The following TTC29 variants were observed in gnomAD, a reference collection of about 807,000 sequenced individuals.
TTC29 encodes the protein tetratricopeptide repeat protein 29.
TTC29 carries 49 observed loss-of-function variants against 58.1 expected under a neutral mutation model. The observed-to-expected ratio is 0.84, with a 90% CI of 0.67 to 1.07. The LOEUF is 1.07. TTC29 is among the 50% of genes least tolerant of loss of function. The pLI is 0.00. For synonymous variants in TTC29, 209 were observed against 196.8 expected (o/e 1.06, Z -0.52); for missense variants, 582 against 555.6 (o/e 1.05, Z -0.48).
rs368376958 is a variant in TTC29, at chr4:146,820,252, G to C, written c.978-4C>G. 25 of 1,609,678 alleles carry C rather than the reference G, an allele frequency of 1.6e-5. No homozygotes were observed. Among genetic ancestry groups the C allele is most frequent in the Non-Finnish European group, 2.1e-5 (25 of 1,178,916 alleles). ...TGCTTCTGTCATCTCTCCTTGGCTA[G>C]AATGAATGAAATAGGAAGTCAATGG... On this transcript the variant is annotated splice_polypyrimidine_tract_variant and splice_region_variant and intron_variant, in intron 9 of 12. Transcript: ENST00000325106.
chr4:146,729,000 C>T lies in TTC29; in HGVS notation c.1331-21449G>A, dbSNP rs545097285. 1.3e-4 allele frequency among the ~76,000 whole-genome samples: 20 copies of T among 151,174 alleles called. No individual in the cohort carries two copies. In the East Asian group the frequency reaches 3.5e-3, roughly 27 times the overall value. On this transcript the variant is annotated intron_variant, in intron 11 of 12. Coordinates refer to ENST00000325106, the MANE Select transcript of TTC29 (RefSeq NM_031956.4). Reference sequence around the variant, plus strand: ...GCTGTATCCCCAGTGCCTCCCTCAGCCAATGCCAGGCACATAGGGATATAT... The same window carrying T: ...GCTGTATCCCCAGTGCCTCCCTCAGTCAATGCCAGGCACATAGGGATATAT...
At chr4:146,932,473 C>T (rs1288990645) in intron 4 of TTC29, among the ~76,000 whole-genome samples, 1 of 152,146 alleles carries the variant, frequency 6.6e-6, no homozygotes, top group African/African-American at 2.4e-5. Context: ...AGGAAGAGCA[C>T]ACTTGAAAGG....
chr4:146,753,945 C>T (rs974737686), intron 11 of TTC29, among the ~76,000 whole-genome samples: 1 of 151,788 alleles, frequency 6.6e-6, no homozygotes, highest in African/African-American at 2.4e-5. Context: ...AGGAGATATA[C>T]CTAATGCTAA....
At chr4:146,764,226 G>C (rs1747124280) in intron 11 of TTC29, 1 of 152,074 alleles carries the variant, frequency 6.6e-6, no homozygotes, top group Non-Finnish European at 1.5e-5. Context: ...GGAGAAAATA[G>C]ATTCCAATTC....
chr4:146,799,227 G>C (rs1750039678), intron 11 of TTC29, among the ~76,000 whole-genome samples: 1 of 152,158 alleles, frequency 6.6e-6, no homozygotes. Flanking sequence ...AAGACAGAGA[G>C]TTCCTCTGTG....
intron 4 of TTC29, among the ~76,000 whole-genome samples, chr4:146,925,796 C>T (rs1199998447): frequency 1.3e-5 from 2 of 152,076 alleles, no homozygotes; most frequent in African/African-American, 2.4e-5. Flanking sequence ...AGAACTGAAC[C>T]CCAAGGGAGG....
chr4:146,876,998 G>A (rs67716270), intron 6 of TTC29, among the ~76,000 whole-genome samples: 8,061 of 150,584 alleles, frequency 0.054, 343 homozygotes, highest in East Asian at 0.13. Context: ...TTGCTGAGCC[G>A]TGCAGGAGGA....
intron 5 of TTC29, among the ~76,000 whole-genome samples, chr4:146,905,460 C>T (rs1326838257): frequency 6.7e-6 from 1 of 150,092 alleles, no homozygotes; most frequent in African/African-American, 2.4e-5. Context: ...AGATAAGCTA[C>T]CAAGATTACA....
intron 6 of TTC29, among the ~76,000 whole-genome samples, chr4:146,882,449 A>T (rs550769295): frequency 6.6e-5 from 10 of 152,222 alleles, no homozygotes; most frequent in Non-Finnish European, 1.3e-4. Flanking sequence ...GTAGTCGACT[A>T]TTTTCCTCAT....
chr4:146,862,174 T>C (rs1345459733), intron 8 of TTC29, among the ~76,000 whole-genome samples: 1 of 151,848 alleles, frequency 6.6e-6, no homozygotes, highest in Non-Finnish European at 1.5e-5. Flanking sequence ...ATATGTTGAA[T>C]ATTTACTTTG....
At chr4:146,724,451 AG>A (rs1257421266) in intron 11 of TTC29, among the ~76,000 whole-genome samples, 1 of 152,230 alleles carries the variant, frequency 6.6e-6, no homozygotes, top group African/African-American at 2.4e-5. Flanking sequence ...TCCTTTTACA[AG>A]GAAAAGTCTA....
At chr4:146,751,282 C>A (rs565833340) in intron 11 of TTC29, among the ~76,000 whole-genome samples, 14 of 152,072 alleles carry the variant, frequency 9.2e-5, no homozygotes, top group Non-Finnish European at 1.6e-4. Context: ...TTTCAATACC[C>A]CACTTTAAAT....
chr4:146,905,706 T>C (rs550476340), intron 5 of TTC29, among the ~76,000 whole-genome samples: 185 of 152,316 alleles, frequency 1.2e-3, no homozygotes, highest in African/African-American at 4.4e-3. Context: ...GGGTTTCTTA[T>C]GCTCCTTAAA....
At chr4:146,735,549 C>T (rs1290891922) in intron 11 of TTC29, among the ~76,000 whole-genome samples, 1 of 152,148 alleles carries the variant, frequency 6.6e-6, no homozygotes, top group East Asian at 1.9e-4. Flanking sequence ...GGATAAAAGC[C>T]AGTGTAAGTC....
At chr4:146,810,177 G>A (rs186941849) in intron 10 of TTC29, among the ~76,000 whole-genome samples, 17 of 152,166 alleles carry the variant, frequency 1.1e-4, no homozygotes, top group East Asian at 9.6e-4. Flanking sequence ...AACAAACACC[G>A]CATGTTCTCA....
intron 11 of TTC29, among the ~76,000 whole-genome samples, chr4:146,737,595 G>GC (rs59944016): frequency 4.1e-5 from 6 of 147,080 alleles, no homozygotes; most frequent in Admixed American, 6.7e-5. Context: ...AGCCCTGGGG[G>GC]GGGGGGGGCT....
At chr4:146,852,204 C>T (rs1729557214) in intron 8 of TTC29, among the ~76,000 whole-genome samples, 1 of 152,158 alleles carries the variant, frequency 6.6e-6, no homozygotes, top group African/African-American at 2.4e-5. Flanking sequence ...TTTTAAGCTT[C>T]AAGTGTTATT....
At chr4:146,930,040 A>C (rs1735201917) in intron 4 of TTC29, among the ~76,000 whole-genome samples, 1 of 146,360 alleles carries the variant, frequency 6.8e-6, no homozygotes, top group Non-Finnish European at 1.5e-5. Flanking sequence ...ATATATATAT[A>C]TATTTATGAA....
chr4:146,790,739 AAACTT>A (rs1400569044), intron 11 of TTC29, among the ~76,000 whole-genome samples: 2 of 152,198 alleles, frequency 1.3e-5, no homozygotes, highest in African/African-American at 4.8e-5. Flanking sequence ...TGTGCACACT[AAACTT>A]TGCATCAGAA....
Sources: allele counts gnomAD v4.1 joint callset (sites outside exome capture counted in the v4.1 genomes callset), GRCh38; gene constraint gnomAD v4.1.1; transcripts MANE v1.5; gene names NCBI Gene and HGNC (gene_info 2026-07-23, HGNC 2026-07-21).